CSMD2: variants seen among roughly 807,000 people sequenced by gnomAD.
CSMD2 encodes the protein CUB and sushi domain-containing protein 2.
In CSMD2, 130 loss-of-function variants were observed where a neutral mutation model predicts 398.5. The observed-to-expected ratio is 0.33, with a 90% CI of 0.28 to 0.38. The LOEUF (loss-of-function observed/expected upper bound fraction) is 0.38, where lower values mean the gene tolerates loss of function less well. CSMD2 is among the 10% of genes least tolerant of loss of function. The pLI is 1.00. For synonymous variants in CSMD2, 1,828 were observed against 1,908.5 expected, an observed-to-expected ratio of 0.96 and a Z score of 1.10; for missense variants, 3,829 against 4,764.9, an observed-to-expected ratio of 0.80 and a Z score of 5.78.
At chr1:33,539,008 C>T (rs1656071343) in intron 60 of CSMD2, among the ~76,000 whole-genome samples, 1 of 151,982 alleles carries the variant, frequency 6.6e-6, no homozygotes, top group East Asian at 1.9e-4. Flanking sequence ...CACTCTGTCG[C>T]CCAGGCTGGA....
intron 5 of CSMD2, chr1:33,862,341 C>CTGTG (rs1491541831): frequency 6.6e-5 from 4 of 60,644 alleles, no homozygotes; most frequent in East Asian, 8.4e-4. Flanking sequence ...AGATAAGCTA[C>CTGTG]TCTGTGTGTG....
intron 5 of CSMD2, among the ~76,000 whole-genome samples, chr1:33,861,963 A>G (rs879144809): frequency 6.6e-6 from 1 of 151,804 alleles, no homozygotes; most frequent in Non-Finnish European, 1.5e-5. Context: ...GGCCCCATTG[A>G]CCAAAGTGAG....
At chr1:33,616,178 G>A (rs1641372314) in intron 39 of CSMD2, among the ~76,000 whole-genome samples, 1 of 152,200 alleles carries the variant, frequency 6.6e-6, no homozygotes, top group Non-Finnish European at 1.5e-5. Context: ...CACAGGGTAA[G>A]GGACGAAGCC....
At chr1:33,712,599 A>G (rs534685794) in intron 21 of CSMD2, among the ~76,000 whole-genome samples, 2 of 152,356 alleles carry the variant, frequency 1.3e-5, no homozygotes, top group South Asian at 4.1e-4. Flanking sequence ...GTCATGAACA[A>G]ACAGTAATTG....
At chr1:34,048,120 T>C (rs1031439386) in intron 2 of CSMD2, among the ~76,000 whole-genome samples, 3 of 151,386 alleles carry the variant, frequency 2.0e-5, no homozygotes, top group African/African-American at 7.2e-5. Context: ...AAGGAAGCTT[T>C]GAGGAAGAGA....
intron 6 of CSMD2, among the ~76,000 whole-genome samples, chr1:33,841,818 C>A (rs1387723162): frequency 6.6e-6 from 1 of 152,222 alleles, no homozygotes; most frequent in Non-Finnish European, 1.5e-5. Context: ...CAGCCACTAT[C>A]AAACCATGCT....
intron 5 of CSMD2, among the ~76,000 whole-genome samples, chr1:33,875,312 T>C (rs1251338944): frequency 6.6e-6 from 1 of 152,222 alleles, no homozygotes; most frequent in Non-Finnish European, 1.5e-5. Context: ...GGCTGGTTAG[T>C]GAGAGCAAAT....
intron 26 of CSMD2, among the ~76,000 whole-genome samples, chr1:33,661,802 A>G (rs1353152702): frequency 6.6e-6 from 1 of 152,178 alleles, no homozygotes; most frequent in Non-Finnish European, 1.5e-5. Flanking sequence ...ACTCTGTAAC[A>G]ATCTCAGTGG....
chr1:33,809,095 C>T (rs773256549), intron 10 of CSMD2, among the ~76,000 whole-genome samples: 5 of 151,904 alleles, frequency 3.3e-5, no homozygotes, highest in Non-Finnish European at 5.9e-5. Flanking sequence ...AAAAATTCTA[C>T]CAAACTTTCA....
At chr1:34,090,214 C>T (rs895132113) in intron 1 of CSMD2, among the ~76,000 whole-genome samples, 1 of 152,182 alleles carries the variant, frequency 6.6e-6, no homozygotes, top group Non-Finnish European at 1.5e-5. Context: ...AGATTCAGAT[C>T]GACACCGGGG....
At chr1:33,731,350 G>T (rs149976696) in intron 15 of CSMD2, among the ~76,000 whole-genome samples, 2 of 152,014 alleles carry the variant, frequency 1.3e-5, no homozygotes, top group African/African-American at 2.4e-5. Flanking sequence ...AATTCCTAGG[G>T]TATGATCATT....
Position 33,591,057 on chromosome 1 carries a change from C to T in CSMD2, c.6857-3889G>A, listed in dbSNP as rs979115700. On this transcript the variant is annotated intron_variant, in intron 44 of 70. Transcript: ENST00000373381. Reference sequence around the variant, plus strand: ...AGGCTGGATCACAATGGTGCGATCTCGGCTCATGGCAACCTCCACCTCCTG... The same window carrying T: ...AGGCTGGATCACAATGGTGCGATCTTGGCTCATGGCAACCTCCACCTCCTG... Among the ~76,000 whole-genome samples the T allele has an allele frequency of 1.5e-4, 19 of 131,016 alleles. No homozygotes were observed. In the Admixed American group the frequency reaches 1.6e-3, roughly 11 times the overall value. 86.0% of individuals were successfully genotyped at this position (131,016 alleles called of 152,430 possible).
intron 9 of CSMD2, among the ~76,000 whole-genome samples, chr1:33,811,948 T>C (rs193040603): frequency 1.3e-5 from 2 of 152,284 alleles, no homozygotes. Flanking sequence ...GAAAGTGGTG[T>C]CAAACCTAGT....
At chr1:33,939,615 A>G (rs984993598) in intron 3 of CSMD2, among the ~76,000 whole-genome samples, 3 of 152,234 alleles carry the variant, frequency 2.0e-5, no homozygotes, top group Non-Finnish European at 4.4e-5. Context: ...AATGACTGGA[A>G]CATCACTATA....
At chr1:33,950,129 G>C (rs1016808720) in intron 3 of CSMD2, among the ~76,000 whole-genome samples, 1 of 151,548 alleles carries the variant, frequency 6.6e-6, no homozygotes, top group Non-Finnish European at 1.5e-5. Flanking sequence ...CCCTATCTCA[G>C]TTTCTTCTCT....
chr1:33,882,642 T>G (rs560079521), intron 5 of CSMD2, among the ~76,000 whole-genome samples: 5 of 152,304 alleles, frequency 3.3e-5, no homozygotes, highest in Admixed American at 2.6e-4. Context: ...GGGCATACAC[T>G]TCAATCATCC....
intron 25 of CSMD2, among the ~76,000 whole-genome samples, chr1:33,671,103 T>C (rs1305010802): frequency 6.6e-6 from 1 of 152,086 alleles, no homozygotes. Context: ...AGACAAAGCA[T>C]GAAATGCGGG....
intron 44 of CSMD2, among the ~76,000 whole-genome samples, chr1:33,588,547 T>C (rs1383943807): frequency 6.6e-6 from 1 of 152,160 alleles, no homozygotes; most frequent in African/African-American, 2.4e-5. Flanking sequence ...TGGGAAAAAA[T>C]TATACTGTGT....
At chr1:34,069,425 GT>G (rs1181602846) in intron 2 of CSMD2, among the ~76,000 whole-genome samples, 1 of 152,160 alleles carries the variant, frequency 6.6e-6, no homozygotes, top group Non-Finnish European at 1.5e-5. Flanking sequence ...CAGGCTAACC[GT>G]GGGTGCTTGG....
Sources: allele counts gnomAD v4.1 joint callset (sites outside exome capture counted in the v4.1 genomes callset), GRCh38; gene constraint gnomAD v4.1.1; transcripts MANE v1.5; gene names NCBI Gene and HGNC (gene_info 2026-07-23, HGNC 2026-07-21).